Variants in PCDHGB4 observed in about 807,000 individuals in gnomAD.
PCDHGB4 encodes protocadherin gamma-B4.
In PCDHGB4, 38 loss-of-function variants were observed where a neutral mutation model predicts 60.5. That is an observed-to-expected ratio of 0.63 (90% confidence interval 0.48 to 0.82). The LOEUF (loss-of-function observed/expected upper bound fraction) is 0.82, where lower values mean the gene tolerates loss of function less well. PCDHGB4 is among the 40% of genes least tolerant of loss of function. PCDHGB4 has a pLI of 0.00. For synonymous variants in PCDHGB4, 456 were observed against 509.7 expected, an observed-to-expected ratio of 0.89 and a Z score of 1.42; for missense variants, 1,109 against 1,209.6, an observed-to-expected ratio of 0.92 and a Z score of 1.23.
At chr5:141,463,844 G>T (rs545618795) in intron 1 of PCDHGB4, among the ~76,000 whole-genome samples, 1 of 152,140 alleles carries the variant, frequency 6.6e-6, no homozygotes, top group African/African-American at 2.4e-5. Context: ...AGTTGTTATA[G>T]TGGTATATCT....
intron 1 of PCDHGB4, chr5:141,403,462 C>A: frequency 6.2e-7 from 1 of 1,614,050 alleles, no homozygotes; most frequent in South Asian, 1.1e-5. Flanking sequence ...TCCAGAGCTA[C>A]CAGCTCAGCC....
In PCDHGB4 at chr5:141,493,103, A is replaced by G. The variant is rs1396614836; in HGVS notation, c.2398-1704A>G. Among the ~76,000 whole-genome samples the G allele has an allele frequency of 6.6e-6, 1 of 152,086 alleles. No homozygotes were observed. The highest frequency in any genetic ancestry group is 1.5e-5 in the Non-Finnish European group (1 of 68,022). On this transcript the variant is annotated intron_variant, in intron 1 of 3. Transcript: ENST00000519479. The surrounding 1 kb of genome is among the most constrained non-coding windows in gnomAD (Gnocchi z 4.3). ...AGGAGCTTTTATTCAAAATATATCA[A>G]TGCCTAACTCTGCTCCTAGGACTGT...
chr5:141,447,312 G>C (rs2098534178), intron 1 of PCDHGB4, among the ~76,000 whole-genome samples: 2 of 151,918 alleles, frequency 1.3e-5, no homozygotes, highest in African/African-American at 2.4e-5. Flanking sequence ...GCTAATTTTT[G>C]TATTTTTAGT....
chr5:141,497,544 T>C (rs1410779650), intron 2 of PCDHGB4, among the ~76,000 whole-genome samples: 4 of 150,796 alleles, frequency 2.7e-5, no homozygotes, highest in African/African-American at 9.8e-5. Flanking sequence ...ACAAACCTTT[T>C]TTTTTTTTTT....
At chr5:141,426,946 C>T (rs565370434) in intron 1 of PCDHGB4, 5 of 456,668 alleles carry the variant, frequency 1.1e-5, no homozygotes, top group Non-Finnish European at 2.2e-5. Context: ...CCAGTCCCAA[C>T]TGGCACTGCT....
At chr5:141,469,610 AAAAT>A (rs1360697662) in intron 1 of PCDHGB4, among the ~76,000 whole-genome samples, 1 of 152,194 alleles carries the variant, frequency 6.6e-6, no homozygotes, top group Non-Finnish European at 1.5e-5. Context: ...TAAGTAAAAT[AAAAT>A]AAATGTTTGT....
chr5:141,462,781 G>A (rs893647456), intron 1 of PCDHGB4, among the ~76,000 whole-genome samples: 7 of 152,102 alleles, frequency 4.6e-5, no homozygotes, highest in African/African-American at 1.7e-4. Context: ...GTCATAATTT[G>A]TTGCTTATTT....
rs376721940 is a variant in PCDHGB4, at chr5:141,410,147, G to A, written c.2397+19866G>A. 18 of 1,612,952 alleles carry A rather than the reference G, an allele frequency of 1.1e-5. No homozygotes were observed. The East Asian group carries it at 3.6e-4, about 32-fold the overall frequency. ...GCGCCTGCTGGTCGCTGTGCGTGAC[G>A]GTGGACAGCCGCCACTCTCTGCCAC... On this transcript the variant is annotated intron_variant, in intron 1 of 3. Transcript: ENST00000519479.
Position 141,470,005 on chromosome 5 carries a change from T to A in PCDHGB4, c.2398-24802T>A, listed in dbSNP as rs189976589. Reference sequence around the variant, plus strand: ...AATTAGCTGGTCGTCGTGGCACGCCTGTAATCCCAGCTACTCGGGATGCTG... The same window carrying A: ...AATTAGCTGGTCGTCGTGGCACGCCAGTAATCCCAGCTACTCGGGATGCTG... On this transcript the variant is annotated intron_variant, in intron 1 of 3. Coordinates refer to ENST00000519479, the MANE Select transcript of PCDHGB4 (RefSeq NM_003736.4). 2.4e-4 allele frequency among the ~76,000 whole-genome samples: 37 copies of A among 152,254 alleles called. 2 individuals carry two copies. The highest frequency in any genetic ancestry group is 7.2e-4 in the Admixed American group (11 of 15,274).
At chr5:141,407,963 G>T (rs2095010709) in intron 1 of PCDHGB4, 1 of 681,746 alleles carries the variant, frequency 1.5e-6, no homozygotes, top group Admixed American at 3.5e-5. Context: ...TGCAGAGCAA[G>T]CGCTGACGCC....
At chr5:141,492,384 C>T (rs1001189412) in intron 1 of PCDHGB4, among the ~76,000 whole-genome samples, 1 of 152,230 alleles carries the variant, frequency 6.6e-6, no homozygotes, top group African/African-American at 2.4e-5. Context: ...AGGCCTGTTC[C>T]GGTCCACTCG....
At chr5:141,470,682 T>C (rs2099236741) in intron 1 of PCDHGB4, among the ~76,000 whole-genome samples, 1 of 152,138 alleles carries the variant, frequency 6.6e-6, no homozygotes, top group Non-Finnish European at 1.5e-5. Flanking sequence ...TGTTACCATC[T>C]TGAAATTCTT....
chr5:141,500,176 A>ATTTT (rs1468241826), intron 2 of PCDHGB4, among the ~76,000 whole-genome samples: 91 of 145,916 alleles, frequency 6.2e-4, no homozygotes, highest in African/African-American at 2.3e-3. Context: ...CATGAGCTTC[A>ATTTT]TTTTTATTTT....
Position 141,489,557 on chromosome 5 carries a change from T to C in PCDHGB4, c.2398-5250T>C, listed in dbSNP as rs150797955. 54 of 1,613,956 alleles carry C rather than the reference T, an allele frequency of 3.3e-5. 1 individual carries two copies. Among genetic ancestry groups the C allele is most frequent in the Non-Finnish European group, 4.3e-5 (51 of 1,180,004 alleles). On this transcript the variant is annotated intron_variant, in intron 1 of 3. Coordinates refer to ENST00000519479, the MANE Select transcript of PCDHGB4 (RefSeq NM_003736.4). The surrounding 1 kb of genome is among the most constrained non-coding windows in gnomAD (Gnocchi z 4.5). ...GCCAGCACCAGCTGCCTGCTGCCAG[T>C]GCAGGTGGTGACTGAACACCCCCTG...
At position 141,463,610 on chromosome 5, in the gene PCDHGB4, G is replaced by T. The variant is rs189991450; in HGVS notation, c.2398-31197G>T. Among the ~76,000 whole-genome samples, 263 of 151,786 alleles carry T rather than the reference G, an allele frequency of 1.7e-3. 1 individual carries two copies. The highest frequency in any genetic ancestry group is 3.4e-3 in the Middle Eastern group (1 of 292). ...ACTACAGGTGCCTGCCACCATGCCC[G>T]GCTAATTTTTTGTATTTTGTTTAGT... On this transcript the variant is annotated intron_variant, in intron 1 of 3. Transcript: ENST00000519479.
intron 1 of PCDHGB4, among the ~76,000 whole-genome samples, chr5:141,447,047 T>C (rs529082157): frequency 1.3e-5 from 2 of 152,342 alleles, no homozygotes; most frequent in African/African-American, 4.8e-5. Flanking sequence ...TCTGGAATTC[T>C]ATTAAAATGT....
intron 1 of PCDHGB4, chr5:141,426,985 A>G (rs534298238): frequency 7.7e-5 from 35 of 456,646 alleles, no homozygotes; most frequent in Non-Finnish European, 1.3e-4. Context: ...ACTGATGCCA[A>G]CGATAATGCC....
chr5:141,497,197 A>G (rs1243476120), intron 2 of PCDHGB4, among the ~76,000 whole-genome samples: 2 of 106,804 alleles, frequency 1.9e-5, no homozygotes, highest in African/African-American at 5.7e-5. Flanking sequence ...GCAGAGAACA[A>G]TGTGAGTGTA....
intron 1 of PCDHGB4, chr5:141,393,455 C>T (rs1007871650): frequency 2.1e-5 from 34 of 1,613,942 alleles, no homozygotes; most frequent in Non-Finnish European, 2.9e-5. Flanking sequence ...TCCTCACGGC[C>T]TCGGATGGCG....
Sources: allele counts gnomAD v4.1 joint callset (sites outside exome capture counted in the v4.1 genomes callset), GRCh38; gene constraint gnomAD v4.1.1; non-coding constraint Gnocchi (gnomAD v3.1); transcripts MANE v1.5; gene names NCBI Gene and HGNC (gene_info 2026-07-23, HGNC 2026-07-21).